ERMP1: variants seen among roughly 807,000 people sequenced by gnomAD.
The protein encoded by ERMP1 is endoplasmic reticulum metallopeptidase 1, also known as Felix-ina.
ERMP1 carries 86 observed loss-of-function variants against 92.0 expected under a neutral mutation model. The ratio of observed to expected loss-of-function variants is 0.93; its 90% CI spans 0.79 to 1.12. The LOEUF is 1.12. Ranked by LOEUF, ERMP1 falls within the 50% of genes most tolerant of loss-of-function variation. The pLI is 0.00. For synonymous variants in ERMP1, 530 were observed against 412.8 expected (o/e 1.28, Z -3.44); for missense variants, 1,342 against 1,116.3 (o/e 1.20, Z -2.88).
chr9:5,832,988 G>C lies in ERMP1; in HGVS notation c.40C>G (p.Arg14Gly). The change falls in exon 1 of 15, where the codon CGC becomes GGC. Residue 14 changes from arginine to glycine, a missense_variant. By Grantham distance (125) the Arg-to-Gly change is moderately radical. Coordinates refer to ENST00000339450, the MANE Select transcript of ERMP1 (RefSeq NM_024896.3). ...CCCTCTCGACGCTCTACTCCGACGC[G>C]GTGCCGCCTCACAGCAGCCGACTCA... ...GSESAAVRRH[R>G]VGVERREGAA... The C allele has an allele frequency of 6.4e-7, 1 of 1,560,126 alleles. No homozygotes were observed. The highest frequency in any genetic ancestry group is 1.2e-5 in the South Asian group (1 of 86,624).
At chr9:5,790,148 T>C (rs1046584323) in intron 13 of ERMP1, among the ~76,000 whole-genome samples, 1 of 151,434 alleles carries the variant, frequency 6.6e-6, no homozygotes. Flanking sequence ...ATGGGTTAAT[T>C]GGTGGGAGTT....
intron 10 of ERMP1, among the ~76,000 whole-genome samples, chr9:5,802,503 G>C (rs868094495): frequency 2.0e-5 from 3 of 152,184 alleles, no homozygotes; most frequent in African/African-American, 7.2e-5. Context: ...TTGTGCCTCA[G>C]CCTCCTGAGT....
intron 11 of ERMP1, among the ~76,000 whole-genome samples, chr9:5,799,591 C>T (rs1225746358): frequency 6.6e-6 from 1 of 152,108 alleles, no homozygotes; most frequent in Non-Finnish European, 1.5e-5. Flanking sequence ...GGCAAACTGT[C>T]CACTGACTGT....
In ERMP1 at chr9:5,825,131, G is replaced by A; in HGVS notation, c.729C>T (p.Val243=). The part of the protein sequence containing the change: ...STSSEALHHA[V]IFLFNGAEEN... Reference sequence around the variant, plus strand: ...CCTCAGCACCATTAAAGAGAAATATGACAGCATGATGCAAGGCTTCTGAAG... The same window carrying A: ...CCTCAGCACCATTAAAGAGAAATATAACAGCATGATGCAAGGCTTCTGAAG... The change falls in exon 3 of 15, where the codon GTC becomes GTT. Residue 243 remains valine (V), a synonymous_variant. Coordinates refer to ENST00000339450, the MANE Select transcript of ERMP1 (RefSeq NM_024896.3). The A allele has an allele frequency of 4.3e-6, 7 of 1,613,996 alleles. No homozygotes were observed. Among genetic ancestry groups the A allele is most frequent in the Non-Finnish European group, 5.9e-6 (7 of 1,179,916 alleles).
chr9:5,812,751 T>G, intron 5 of ERMP1, 138 bp downstream of exon 5: 1 of 932,576 alleles, frequency 1.1e-6, no homozygotes, highest in African/African-American at 1.6e-5. Context: ...ACAAACTCTG[T>G]TTTAGTGAGT....
At chr9:5,815,106 A>C (rs1476529135) in intron 4 of ERMP1, among the ~76,000 whole-genome samples, 1 of 152,222 alleles carries the variant, frequency 6.6e-6, no homozygotes, top group Non-Finnish European at 1.5e-5. Context: ...GGAGAAGATA[A>C]ATGTTTAAAG....
chr9:5,832,711 T>TC lies in ERMP1; in HGVS notation c.316dup (p.Glu106GlyfsTer12). On this transcript the variant is annotated frameshift_variant, in exon 1 of 15. Transcript: ENST00000339450. LOFTEE classifies it high-confidence loss of function. ...GTACCTGGCTTGGAGCGCGTCGAAC[T>TC]CCCCGCGGTGTCCAGCGGCCCCGCG... The TC allele has an allele frequency of 6.7e-7, 1 of 1,483,448 alleles. No homozygotes were observed. Among genetic ancestry groups the TC allele is most frequent in the East Asian group, 2.9e-5 (1 of 34,536 alleles). 91.9% of individuals were successfully genotyped at this position (1,483,448 alleles called of 1,614,324 possible).
intron 13 of ERMP1, among the ~76,000 whole-genome samples, chr9:5,789,243 G>GA (rs532096862): frequency 1.3e-4 from 19 of 145,348 alleles, no homozygotes; most frequent in Non-Finnish European, 1.7e-4. Context: ...AGATTTCAAA[G>GA]AAAAAAAAAA....
Position 5,830,813 on chromosome 9 carries a change from T to C in ERMP1, c.554A>G (p.Asn185Ser). 1 of 1,614,060 alleles carries C rather than the reference T, an allele frequency of 6.2e-7. No individual in the cohort carries two copies. Among genetic ancestry groups the C allele is most frequent in the Non-Finnish European group, 8.5e-7 (1 of 1,179,942 alleles). The change falls in exon 2 of 15, where the codon AAT becomes AGT. Residue 185 changes from asparagine (N) to serine (S), a missense_variant. Asn to Ser is a conservative substitution (Grantham distance 46). Coordinates refer to ENST00000339450, the MANE Select transcript of ERMP1 (RefSeq NM_024896.3). The part of the protein sequence containing the change: ...GFTSYYDNIT[N>S]VVVKLEPRDG... ...TCTGGGTTCCAGCTTTACCACAACA[T>C]TGGTGATGTTGTCATAATAGCTTGT...
intron 8 of ERMP1, among the ~76,000 whole-genome samples, chr9:5,808,879 A>G (rs903679107): frequency 1.3e-5 from 2 of 152,136 alleles, no homozygotes; most frequent in African/African-American, 2.4e-5. Context: ...CTGGGACTAC[A>G]GGCACACACC....
rs560381554 is a variant in ERMP1 at position 5,789,952 on chromosome 9, C to G, written c.2387-2359G>C. On this transcript the variant is annotated intron_variant, in intron 13 of 14. Transcript: ENST00000339450. Reference sequence around the variant, plus strand: ...TCCTGCCTCAACCTCCCAAAGTACCCCCAAAGTGAGCCACCACACCTGGCC... The same window carrying G: ...TCCTGCCTCAACCTCCCAAAGTACCGCCAAAGTGAGCCACCACACCTGGCC... Among the ~76,000 whole-genome samples, 6 of 151,436 alleles carry G rather than the reference C, an allele frequency of 4.0e-5. No homozygotes were observed. The East Asian group carries it at 9.9e-4, about 25-fold the overall frequency.
At position 5,805,229 on chromosome 9, in the gene ERMP1, G is replaced by C; in HGVS notation, c.1724-12C>G. On this transcript the variant is annotated splice_polypyrimidine_tract_variant and intron_variant, in intron 9 of 14. Transcript: ENST00000339450. ...TTTTCCTTGGGCACCTAGGGAAAAA[G>C]AGAAAAAAAGCACACATCTATGAAA... is the stretch of plus-strand genomic sequence containing the variant. The C allele has an allele frequency of 1.3e-6, 2 of 1,585,798 alleles. No individual in the cohort carries two copies. The highest frequency in any genetic ancestry group is 1.7e-6 in the Non-Finnish European group (2 of 1,164,908).
intron 6 of ERMP1, among the ~76,000 whole-genome samples, chr9:5,858,066 G>A (rs954203744): frequency 4.6e-5 from 7 of 152,156 alleles, no homozygotes; most frequent in Admixed American, 2.0e-4. Flanking sequence ...AAGGGAAGTG[G>A]TTGAAAGACC....
chr9:5,805,042 A>G lies in ERMP1; in HGVS notation c.1899T>C (p.Ile633=), dbSNP rs1828818698. The part of the protein sequence containing the change: ...LASILAGCTM[I]LSSYFINFIY... ...TTTCTCTTACAAAATAGGACGAGAG[A>G]ATCATTGTACAGCCAGCCAAAATGG... The change falls in exon 10 of 15, where the codon ATT becomes ATC. Residue 633 remains isoleucine, a synonymous_variant. Transcript: ENST00000339450. The G allele has an allele frequency of 6.2e-7, 1 of 1,605,450 alleles. No individual in the cohort carries two copies. Among genetic ancestry groups the G allele is most frequent in the East Asian group, 2.2e-5 (1 of 44,834 alleles).
In ERMP1 at chr9:5,810,048, A is replaced by T; in HGVS notation, c.1511T>A (p.Ile504Lys). Residue 504 changes from isoleucine (I) to lysine (K), a missense_variant, in exon 8 of 15, where the codon ATA (isoleucine) becomes AAA (lysine). Coordinates refer to ENST00000339450, the MANE Select transcript of ERMP1 (RefSeq NM_024896.3). The part of the protein sequence containing the change: ...LYGTATVAKI[I>K]LIHTLAKRFY... ...TCTTTTCGCAAGAGTATGTATAAGT[A>T]TTATTTTGGCTACAGTTGCAGTTCC... 2.5e-6 allele frequency: 4 copies of T among 1,613,190 alleles called. No individual in the cohort carries two copies. The highest frequency in any genetic ancestry group is 3.4e-6 in the Non-Finnish European group (4 of 1,179,244).
At chr9:5,860,679 C>T (rs1478639675) in intron 5 of ERMP1, among the ~76,000 whole-genome samples, 5 of 149,518 alleles carry the variant, frequency 3.3e-5, no homozygotes, top group African/African-American at 9.9e-5. Context: ...GAACTCCTGG[C>T]CTCAAGCAAT....
At chr9:5,848,516 A>ACAAGGAGTGC (rs1830266427) in intron 6 of ERMP1, among the ~76,000 whole-genome samples, 1 of 152,242 alleles carries the variant, frequency 6.6e-6, no homozygotes, top group East Asian at 1.9e-4. Flanking sequence ...GGAAGCTAAT[A>ACAAGGAGTGC]CACATCCAGA....
At chr9:5,830,023 A>C (rs1224264035) in intron 2 of ERMP1, among the ~76,000 whole-genome samples, 1 of 152,216 alleles carries the variant, frequency 6.6e-6, no homozygotes, top group Non-Finnish European at 1.5e-5. Flanking sequence ...TTTTCAGAGA[A>C]AGATTTACAC....
chr9:5,789,021 G>C (rs2131195788), intron 13 of ERMP1, among the ~76,000 whole-genome samples: 1 of 152,264 alleles, frequency 6.6e-6, no homozygotes, highest in East Asian at 1.9e-4. Context: ...AGCGATAGTG[G>C]TAAAAATGGA....
Sources: gnomAD v4.1 joint callset for allele counts (sites outside exome capture counted in the v4.1 genomes callset) on GRCh38, gnomAD v4.1.1 for gene constraint, MANE v1.5 for transcripts, NCBI Gene and HGNC (gene_info 2026-07-23, HGNC 2026-07-21) for gene names.